The following TERB2 variants were observed in gnomAD, a reference collection of about 807,000 sequenced individuals.
TERB2 encodes the protein telomere repeat binding bouquet formation protein 2, also known as telomere repeats-binding bouquet formation protein 2.
TERB2 carries 26 observed loss-of-function variants against 29.8 expected under a neutral mutation model. The ratio of observed to expected loss-of-function variants is 0.87; its 90% confidence interval spans 0.64 to 1.21. The LOEUF (loss-of-function observed/expected upper bound fraction) is 1.21. Among genes scored for constraint, TERB2 ranks in the 50% most tolerant of loss-of-function variants. The probability of loss-of-function intolerance (pLI) is 0.00; values close to 1 mark genes in which losing one functional copy is unlikely to be tolerated. For synonymous variants in TERB2, 80 were observed against 90.8 expected (o/e 0.88, Z 0.68); for missense variants, 240 against 268.6 (o/e 0.89, Z 0.74).
At chr15:44,961,146 T>A (rs1891796104) in intron 3 of TERB2, among the ~76,000 whole-genome samples, 2 of 150,060 alleles carry the variant, frequency 1.3e-5, no homozygotes, top group Non-Finnish European at 3.0e-5. Context: ...TTAATATATA[T>A]GTAGATACAA....
In TERB2 at chr15:44,979,136, C is replaced by G. The variant is rs1269004438; in HGVS notation, c.*508C>G. On this transcript the variant is annotated 3_prime_UTR_variant, in exon 7 of 7. Transcript: ENST00000340827. ...CTAGTTGCATTCTGAATTACTGTTT[C>G]TGGTTTGAAACATGGAGAAAAACAT... 1 of 152,074 alleles carries G rather than the reference C, an allele frequency of 6.6e-6. No individual in the cohort carries two copies. Among genetic ancestry groups the G allele is most frequent in the East Asian group, 1.9e-4 (1 of 5,200 alleles). 9.4% of individuals were successfully genotyped at this position (152,074 alleles called of 1,614,324 possible).
At chr15:44,959,656 T>C (rs11630679) in intron 3 of TERB2, among the ~76,000 whole-genome samples, 2,525 of 152,240 alleles carry the variant, frequency 0.017, 22 homozygotes, top group Middle Eastern at 0.031. Flanking sequence ...GCATGAGCCA[T>C]TGCGCCTGGC....
At chr15:44,969,571 T>C (rs1891938283) in intron 5 of TERB2, among the ~76,000 whole-genome samples, 1 of 151,406 alleles carries the variant, frequency 6.6e-6, no homozygotes, top group Non-Finnish European at 1.5e-5. Flanking sequence ...TGAGGATAGC[T>C]TGAGGCCAGG....
chr15:44,968,257 C>A (rs1292508146), intron 5 of TERB2, among the ~76,000 whole-genome samples: 1 of 152,008 alleles, frequency 6.6e-6, no homozygotes, highest in African/African-American at 2.4e-5. Context: ...AGTCTGTTGC[C>A]CAGGCTGGAG....
chr15:44,973,407 GA>G (rs1217917552), intron 5 of TERB2, among the ~76,000 whole-genome samples: 1 of 152,044 alleles, frequency 6.6e-6, no homozygotes. Context: ...GGACTCTATA[GA>G]CTCAAATACT....
At chr15:44,965,403 T>C (rs1033722675) in intron 4 of TERB2, among the ~76,000 whole-genome samples, 4 of 145,620 alleles carry the variant, frequency 2.7e-5, no homozygotes, top group Non-Finnish European at 6.0e-5. Flanking sequence ...GCTTTCTTTA[T>C]ATTTTTGAGT....
chr15:44,973,105 T>C (rs1307705627), intron 5 of TERB2, among the ~76,000 whole-genome samples: 2 of 152,142 alleles, frequency 1.3e-5, no homozygotes, highest in East Asian at 3.9e-4. Context: ...GGTCTCGAAC[T>C]CCTGACCTCA....
intron 5 of TERB2, chr15:44,969,950 G>T (rs575159221): frequency 6.6e-6 from 1 of 151,804 alleles, no homozygotes; most frequent in African/African-American, 2.4e-5. Context: ...CAAAATCTAC[G>T]TTTAGTTTGT....
intron 5 of TERB2, among the ~76,000 whole-genome samples, chr15:44,967,426 T>G (rs372609): frequency 1.3e-5 from 2 of 152,016 alleles, no homozygotes; most frequent in East Asian, 1.9e-4. Flanking sequence ...TCTAAAGCAT[T>G]TATTGAGGGA....
chr15:44,956,856 G>C, intron 1 of TERB2, 40 bp from the exon 2 acceptor site: 2 of 1,612,250 alleles, frequency 1.2e-6, no homozygotes, highest in Non-Finnish European at 1.7e-6. Flanking sequence ...TTTGGGTCCA[G>C]GGTGCTTGAT....
chr15:44,965,201 A>G (rs929471498), intron 4 of TERB2, among the ~76,000 whole-genome samples: 21 of 148,536 alleles, frequency 1.4e-4, no homozygotes, highest in African/African-American at 4.9e-4. Flanking sequence ...AAAGGAAAAA[A>G]AAGAAACTTC....
At position 44,978,495 on chromosome 15, in the gene TERB2, T is replaced by C; in HGVS notation, c.530T>C (p.Ile177Thr). The change falls in exon 7 of 7, where the codon ATA becomes ACA. Residue 177 changes from isoleucine to threonine, a missense_variant. Physicochemically the swap from Ile to Thr is moderately conservative, Grantham distance 89 (BLOSUM62 -1). Coordinates refer to ENST00000340827, the MANE Select transcript of TERB2 (RefSeq NM_152448.3). The part of the protein sequence containing the change: ...YPVNNMVTGY[I>T]SIDAMKKFLG... ...TTTAAATTTTATTTTGTAGGTTATA[T>C]ATCAATTGATGCCATGAAGAAATTC... The C allele has an allele frequency of 1.2e-6, 2 of 1,600,980 alleles. No individual in the cohort carries two copies. Among genetic ancestry groups the C allele is most frequent in the Non-Finnish European group, 1.7e-6 (2 of 1,174,120 alleles).
chr15:44,967,666 C>T (rs1399084322), intron 5 of TERB2, among the ~76,000 whole-genome samples: 2 of 149,360 alleles, frequency 1.3e-5, no homozygotes, highest in African/African-American at 2.5e-5. Flanking sequence ...GATGGGAAAA[C>T]CCTGCACTGG....
chr15:44,973,434 C>CT (rs1398398514), intron 5 of TERB2: 2 of 152,034 alleles, frequency 1.3e-5, no homozygotes, highest in Non-Finnish European at 2.9e-5. Context: ...TGTGAAGCGG[C>CT]TAAGAACACT....
intron 5 of TERB2, among the ~76,000 whole-genome samples, chr15:44,967,597 A>T (rs928808787): frequency 2.0e-5 from 3 of 151,984 alleles, no homozygotes; most frequent in African/African-American, 7.3e-5. Context: ...TTGAGCAGCA[A>T]CCTAGATACC....
chr15:44,979,040 C>A lies in TERB2; in HGVS notation c.*412C>A, dbSNP rs1015301284. 2.0e-5 allele frequency: 3 copies of A among 152,040 alleles called. No individual in the cohort carries two copies. Among genetic ancestry groups the A allele is most frequent in the Non-Finnish European group, 4.4e-5 (3 of 68,170 alleles). 9.4% of individuals were successfully genotyped at this position (152,040 alleles called of 1,614,324 possible). On this transcript the variant is annotated 3_prime_UTR_variant, in exon 7 of 7. Coordinates refer to ENST00000340827, the MANE Select transcript of TERB2 (RefSeq NM_152448.3). ...TAACATTCTATTAATTATATTTTTT[C>A]TAGATTGAATACTGTGAATGCTAAG...
chr15:44,976,658 G>C (rs1371065819), intron 6 of TERB2, among the ~76,000 whole-genome samples: 1 of 152,094 alleles, frequency 6.6e-6, no homozygotes, highest in South Asian at 2.1e-4. Flanking sequence ...GATCAGTTGG[G>C]GCCACTGGGT....
chr15:44,959,548 A>G (rs1891770383), intron 3 of TERB2, among the ~76,000 whole-genome samples: 1 of 151,944 alleles, frequency 6.6e-6, no homozygotes, highest in South Asian at 2.1e-4. Context: ...TTATATTTTT[A>G]ATAGACATGG....
At chr15:44,961,979 C>G (rs563937092) in intron 4 of TERB2, among the ~76,000 whole-genome samples, 234 of 152,180 alleles carry the variant, frequency 1.5e-3, no homozygotes, top group African/African-American at 5.4e-3. Flanking sequence ...GGATTACAGG[C>G]GTGAGCCACT....
Sources: gnomAD v4.1 joint callset for allele counts (sites outside exome capture counted in the v4.1 genomes callset) on GRCh38, gnomAD v4.1.1 for gene constraint, MANE v1.5 for transcripts, NCBI Gene and HGNC (gene_info 2026-07-23, HGNC 2026-07-21) for gene names.